Variants in RYR2 observed in about 807,000 individuals in gnomAD.
RYR2 encodes the protein cardiac muscle ryanodine receptor-calcium release channel.
RYR2 carries 227 observed loss-of-function variants against 601.1 expected under a neutral mutation model. That is an observed-to-expected ratio of 0.38 (90% CI 0.34 to 0.42). The LOEUF (loss-of-function observed/expected upper bound fraction) is 0.42, where lower values mean the gene tolerates loss of function less well. Among genes scored for constraint, RYR2 ranks in the 10% least tolerant of loss-of-function variants. The pLI is 1.00. For missense variants in RYR2, 4,646 were observed against 6,156.5 expected, an observed-to-expected ratio of 0.75 and a Z score of 8.21; for synonymous variants, 2,223 against 2,175.1, an observed-to-expected ratio of 1.02 and a Z score of -0.61.
intron 87 of RYR2, among the ~76,000 whole-genome samples, chr1:237,774,193 A>G (rs1202408316): frequency 1.3e-5 from 2 of 151,764 alleles, no homozygotes. Context: ...TTCTGCAATC[A>G]CCAAAACTTT....
chr1:237,220,587 G>A (rs1265040268), intron 1 of RYR2, among the ~76,000 whole-genome samples: 1 of 152,116 alleles, frequency 6.6e-6, no homozygotes, highest in African/African-American at 2.4e-5. Context: ...TATAGTTTCT[G>A]TTTCTCGGGA....
intron 60 of RYR2, among the ~76,000 whole-genome samples, chr1:237,676,753 C>T (rs1558198454): frequency 6.6e-6 from 1 of 152,148 alleles, no homozygotes; most frequent in East Asian, 1.9e-4. Context: ...TAAAAATATG[C>T]ATATGCCTTT....
At chr1:237,565,984 A>G (rs1672034121) in intron 27 of RYR2, among the ~76,000 whole-genome samples, 1 of 152,220 alleles carries the variant, frequency 6.6e-6, no homozygotes, top group Admixed American at 6.5e-5. Context: ...AGCAGATCAC[A>G]GTGAAGATGT....
chr1:237,085,862 T>C (rs560669033), intron 1 of RYR2, among the ~76,000 whole-genome samples: 1 of 152,242 alleles, frequency 6.6e-6, no homozygotes, highest in Non-Finnish European at 1.5e-5. Context: ...CAAGTGATCC[T>C]CCCACTTCAG....
chr1:237,210,676 C>T (rs1025503711), intron 1 of RYR2, among the ~76,000 whole-genome samples: 1 of 152,130 alleles, frequency 6.6e-6, no homozygotes, highest in Non-Finnish European at 1.5e-5. Context: ...GTGTGTTGGT[C>T]TTGTGACAAT....
At chr1:237,327,898 A>G (rs1268583443) in intron 2 of RYR2, among the ~76,000 whole-genome samples, 2 of 152,172 alleles carry the variant, frequency 1.3e-5, no homozygotes, top group African/African-American at 4.8e-5. Flanking sequence ...TGAGGCCAGT[A>G]TTTTTGCTTA....
intron 1 of RYR2, among the ~76,000 whole-genome samples, chr1:237,133,002 G>A (rs1432327018): frequency 2.0e-5 from 3 of 152,192 alleles, no homozygotes; most frequent in Admixed American, 2.0e-4. Context: ...TAGGCACTGA[G>A]GAAGCATGCA....
At chr1:237,393,233 T>A (rs1300399108) in intron 10 of RYR2, among the ~76,000 whole-genome samples, 1 of 152,194 alleles carries the variant, frequency 6.6e-6, no homozygotes, top group African/African-American at 2.4e-5. Context: ...TGCAGGCCAA[T>A]TAAGTCATAG....
At chr1:237,652,360 T>C (rs867920279) in intron 51 of RYR2, among the ~76,000 whole-genome samples, 25 of 152,202 alleles carry the variant, frequency 1.6e-4, no homozygotes, top group African/African-American at 5.1e-4. Flanking sequence ...TGTCCTTTAA[T>C]ATCATAATCT....
chr1:237,595,752 G>C (rs566562446), intron 34 of RYR2, 95 bp downstream of exon 34: 1 of 1,421,484 alleles, frequency 7.0e-7, no homozygotes, highest in Admixed American at 2.7e-5. Flanking sequence ...AAGTAAAATA[G>C]ACACATGTAC....
chr1:237,093,309 AGTGAT>A (rs776347483), intron 1 of RYR2, among the ~76,000 whole-genome samples: 1 of 152,152 alleles, frequency 6.6e-6, no homozygotes, highest in Non-Finnish European at 1.5e-5. Flanking sequence ...AGAAGCCCAT[AGTGAT>A]GGTGGGCTAG....
At chr1:237,661,281 G>T (rs948181498) in intron 56 of RYR2, among the ~76,000 whole-genome samples, 2 of 151,992 alleles carry the variant, frequency 1.3e-5, no homozygotes, top group African/African-American at 2.4e-5. Flanking sequence ...TCACTCATAA[G>T]TGGAAGCTGA....
intron 25 of RYR2, among the ~76,000 whole-genome samples, chr1:237,538,459 A>G: frequency 7.8e-6 from 1 of 128,014 alleles, no homozygotes; most frequent in Non-Finnish European, 1.7e-5. Context: ...TTCGTTTCAG[A>G]AGGAAATGGT....
At chr1:237,594,488 A>T (rs1559083253) in intron 33 of RYR2, among the ~76,000 whole-genome samples, 1 of 152,196 alleles carries the variant, frequency 6.6e-6, no homozygotes, top group Non-Finnish European at 1.5e-5. Flanking sequence ...GAACAAAAAA[A>T]CCACATGTCT....
At chr1:237,316,612 C>A (rs922147949) in intron 2 of RYR2, among the ~76,000 whole-genome samples, 1 of 152,172 alleles carries the variant, frequency 6.6e-6, no homozygotes, top group Non-Finnish European at 1.5e-5. Context: ...ACCATCTGTG[C>A]GTTGTTTCAG....
At chr1:237,086,900 A>C (rs543868446) in intron 1 of RYR2, among the ~76,000 whole-genome samples, 39 of 152,250 alleles carry the variant, frequency 2.6e-4, no homozygotes, top group African/African-American at 8.7e-4. Context: ...CTAATGGACA[A>C]GTTGGTGCTA....
chr1:237,808,431 C>T (rs534968563), intron 99 of RYR2, among the ~76,000 whole-genome samples: 9 of 151,928 alleles, frequency 5.9e-5, no homozygotes, highest in African/African-American at 1.7e-4. Context: ...GATGCCGAGG[C>T]GGGCAGATCG....
intron 1 of RYR2, among the ~76,000 whole-genome samples, chr1:237,101,203 A>T (rs926124313): frequency 6.6e-6 from 1 of 151,522 alleles, no homozygotes; most frequent in Non-Finnish European, 1.5e-5. Flanking sequence ...AAGCAAGTTC[A>T]GAGACTTGGC....
intron 63 of RYR2, among the ~76,000 whole-genome samples, chr1:237,692,728 C>A (rs2148992595): frequency 6.6e-6 from 1 of 152,288 alleles, no homozygotes; most frequent in Non-Finnish European, 1.5e-5. Flanking sequence ...TCATAACAAA[C>A]TATCCATCCT....
Sources: allele counts gnomAD v4.1 joint callset (sites outside exome capture counted in the v4.1 genomes callset), GRCh38; gene constraint gnomAD v4.1.1; transcripts MANE v1.5; gene names NCBI Gene and HGNC (gene_info 2026-07-23, HGNC 2026-07-21).